Variants in LIN7A observed in about 807,000 individuals in gnomAD.
The protein encoded by LIN7A is protein lin-7 homolog A.
In LIN7A, 25 loss-of-function variants were observed where a neutral mutation model predicts 29.8. The observed-to-expected ratio is 0.84, with a 90% CI of 0.61 to 1.17. LIN7A has a LOEUF of 1.17. LIN7A is among the 50% of genes most tolerant of loss of function. LIN7A has a pLI of 0.00. For synonymous variants in LIN7A, 118 were observed against 107.5 expected (o/e 1.10, Z -0.60); for missense variants, 239 against 287.0 (o/e 0.83, Z 1.21).
chr12:80,907,722 G>C (rs12228815), intron 1 of LIN7A, among the ~76,000 whole-genome samples: 1 of 152,102 alleles, frequency 6.6e-6, no homozygotes, highest in African/African-American at 2.4e-5. Flanking sequence ...ATTCCATAGA[G>C]TGTTACACCA....
intron 4 of LIN7A, among the ~76,000 whole-genome samples, chr12:80,817,058 G>A (rs1045098168): frequency 6.6e-6 from 1 of 152,120 alleles, no homozygotes; most frequent in Admixed American, 6.6e-5. Flanking sequence ...ATGAGCCACC[G>A]TGCCCAGACT....
chr12:80,869,295 G>A (rs940055117), intron 2 of LIN7A, among the ~76,000 whole-genome samples: 18 of 152,054 alleles, frequency 1.2e-4, no homozygotes, highest in African/African-American at 1.7e-4. Context: ...AGATGCATAT[G>A]TTTTCTGGTC....
rs148573234 is a variant in LIN7A, at chr12:80,913,727, T to A, written c.82+23914A>T. On this transcript the variant is annotated intron_variant, in intron 1 of 5. Coordinates refer to ENST00000552864, the MANE Select transcript of LIN7A (RefSeq NM_004664.4). ...GTCTCACTCTGAACACTGACAATGATGCTAGTCGAATAAAACATACTTACT... is the reference window on the plus strand; with the variant it reads ...GTCTCACTCTGAACACTGACAATGAAGCTAGTCGAATAAAACATACTTACT... 2.2e-3 allele frequency among the ~76,000 whole-genome samples: 331 copies of A among 152,346 alleles called. 1 individual carries two copies. The highest frequency in any genetic ancestry group is 7.7e-3 in the African/African-American group (322 of 41,572).
At chr12:80,827,816 C>T (rs1872151577) in intron 4 of LIN7A, among the ~76,000 whole-genome samples, 1 of 152,178 alleles carries the variant, frequency 6.6e-6, no homozygotes, top group Non-Finnish European at 1.5e-5. Context: ...ATAGCAAACA[C>T]TTTATGATGG....
intron 2 of LIN7A, among the ~76,000 whole-genome samples, chr12:80,885,150 AG>A (rs1391518853): frequency 6.6e-6 from 1 of 152,114 alleles, no homozygotes; most frequent in Non-Finnish European, 1.5e-5. Context: ...TTTGGGGCAA[AG>A]TCTAATTCTT....
At chr12:80,869,538 T>C (rs1329894809) in intron 2 of LIN7A, among the ~76,000 whole-genome samples, 3 of 152,066 alleles carry the variant, frequency 2.0e-5, no homozygotes, top group South Asian at 4.1e-4. Flanking sequence ...ACCACGGCCA[T>C]TGGCACCCTC....
chr12:80,903,132 A>G (rs7486613), intron 1 of LIN7A, among the ~76,000 whole-genome samples: 102,718 of 151,448 alleles, frequency 0.68, 38,875 homozygotes, highest in Non-Finnish European at 0.87. Flanking sequence ...CTGCTTTAAT[A>G]TTTAAACATT....
intron 4 of LIN7A, among the ~76,000 whole-genome samples, chr12:80,845,359 T>C (rs1873022753): frequency 6.6e-6 from 1 of 152,104 alleles, no homozygotes; most frequent in African/African-American, 2.4e-5. Context: ...CATTACAAAG[T>C]AAGGAGCTAT....
intron 1 of LIN7A, among the ~76,000 whole-genome samples, chr12:80,891,607 G>C (rs1043037532): frequency 6.6e-6 from 1 of 152,148 alleles, no homozygotes; most frequent in Non-Finnish European, 1.5e-5. Context: ...TGCTTTCACG[G>C]AACTCACAGG....
At chr12:80,896,012 G>A (rs1348927737) in intron 1 of LIN7A, among the ~76,000 whole-genome samples, 2 of 152,194 alleles carry the variant, frequency 1.3e-5, no homozygotes, top group Non-Finnish European at 2.9e-5. Context: ...CAGGAGAGCA[G>A]GTGACTTTAA....
chr12:80,836,508 CT>C (rs1293828250), intron 4 of LIN7A, among the ~76,000 whole-genome samples: 1 of 151,938 alleles, frequency 6.6e-6, no homozygotes, highest in Non-Finnish European at 1.5e-5. Context: ...AATACAAAAA[CT>C]AGCCGGCATG....
chr12:80,852,370 G>T (rs1450407401), intron 2 of LIN7A, among the ~76,000 whole-genome samples: 1 of 152,078 alleles, frequency 6.6e-6, no homozygotes, highest in Non-Finnish European at 1.5e-5. Flanking sequence ...GGTACAGAAA[G>T]CTAGGTAAGG....
chr12:80,866,959 C>CT (rs539703839), intron 2 of LIN7A, among the ~76,000 whole-genome samples: 28 of 151,942 alleles, frequency 1.8e-4, no homozygotes, highest in African/African-American at 1.7e-4. Flanking sequence ...CCATGTCTCT[C>CT]TTTTTTTTAT....
chr12:80,807,080 T>TTTTTTGTTTTTTG lies in LIN7A; in HGVS notation c.*4384_*4385insCAAAAAACAAAAA, dbSNP rs1555221376. 6.2e-3 allele frequency among the ~76,000 whole-genome samples: 837 copies of TTTTTTGTTTTTTG among 134,734 alleles called. 34 individuals carry two copies. Among genetic ancestry groups the TTTTTTGTTTTTTG allele is most frequent in the African/African-American group, 0.022 (794 of 35,370 alleles). 88.4% of individuals were successfully genotyped at this position (134,734 alleles called of 152,430 possible). ...AAGATGGAGTTTTTTTTTTTTTTTTTTTTTTTTTTTTGACGGAGTCTCGCT... is the reference window on the plus strand; with the variant it reads ...AAGATGGAGTTTTTTTTTTTTTTTTTTTTTTGTTTTTTGTTTTTTTTTTTGACGGAGTCTCGCT... On this transcript the variant is annotated intron_variant, in intron 5 of 5. Coordinates refer to ENST00000552864, the MANE Select transcript of LIN7A (RefSeq NM_004664.4).
At chr12:80,821,096 C>T (rs1055891979) in intron 4 of LIN7A, among the ~76,000 whole-genome samples, 1 of 152,206 alleles carries the variant, frequency 6.6e-6, no homozygotes, top group Admixed American at 6.5e-5. Context: ...TTACAAAATG[C>T]AAATACATCT....
At chr12:80,904,639 A>C (rs1205420112) in intron 1 of LIN7A, among the ~76,000 whole-genome samples, 1 of 152,206 alleles carries the variant, frequency 6.6e-6, no homozygotes, top group Admixed American at 6.5e-5. Context: ...TGAATGATAC[A>C]TGAAAATGTG....
At chr12:80,810,183 T>A (rs1433221644) in intron 5 of LIN7A, among the ~76,000 whole-genome samples, 1 of 152,076 alleles carries the variant, frequency 6.6e-6, no homozygotes, top group African/African-American at 2.4e-5. Flanking sequence ...TCTACCCTCC[T>A]CCCCCAGCCT....
chr12:80,937,370 C>A lies in LIN7A; in HGVS notation c.82+271G>T, dbSNP rs1187514353. 1.9e-5 allele frequency: 7 copies of A among 362,436 alleles called. No homozygotes were observed. In the East Asian group the frequency reaches 2.0e-4, roughly 10 times the overall value. 22.5% of individuals were successfully genotyped at this position (362,436 alleles called of 1,614,324 possible). A position where few individuals can be genotyped will look rare whatever the true frequency, so the allele number is the denominator to read the frequency against. On this transcript the variant is annotated intron_variant, in intron 1 of 5. Transcript: ENST00000552864. ...AGCCAGAGGACCGGAGACGACCCGG[C>A]GAGGGGCTGGGAGTGGCAGCGGGGA... is the stretch of plus-strand genomic sequence containing the variant.
intron 1 of LIN7A, among the ~76,000 whole-genome samples, chr12:80,898,110 A>G (rs1160585614): frequency 6.6e-6 from 1 of 152,170 alleles, no homozygotes. Context: ...TTTAGGGTTT[A>G]TATCTAAGTA....
Sources: allele counts gnomAD v4.1 joint callset (sites outside exome capture counted in the v4.1 genomes callset), GRCh38; gene constraint gnomAD v4.1.1; transcripts MANE v1.5; gene names NCBI Gene and HGNC (gene_info 2026-07-23, HGNC 2026-07-21).